Variants in PRDM6 observed in about 807,000 individuals in gnomAD.
PRDM6 encodes the protein putative histone-lysine N-methyltransferase PRDM6.
Under a neutral mutation model 60.8 loss-of-function variants are expected in PRDM6, and 25 were observed. The ratio of observed to expected loss-of-function variants is 0.41; its 90% CI spans 0.30 to 0.57. The LOEUF (loss-of-function observed/expected upper bound fraction) is 0.57. Ranked by LOEUF, PRDM6 falls within the 20% of genes least tolerant of loss-of-function variation. The pLI, the probability that PRDM6 is intolerant of heterozygous loss-of-function variation, is 0.27. For synonymous variants in PRDM6, 407 were observed against 357.4 expected (o/e 1.14, Z -1.57); for missense variants, 839 against 821.3 (o/e 1.02, Z -0.26).
intron 3 of PRDM6, among the ~76,000 whole-genome samples, chr5:123,133,302 C>A (rs1764876597): frequency 6.6e-6 from 1 of 152,054 alleles, no homozygotes; most frequent in South Asian, 2.1e-4. Flanking sequence ...CCTTCCTATG[C>A]AAACACGTAT....
chr5:123,181,506 T>C (rs183591419), intron 7 of PRDM6, among the ~76,000 whole-genome samples: 2 of 152,292 alleles, frequency 1.3e-5, no homozygotes, highest in Admixed American at 1.3e-4. Flanking sequence ...TTGATTGGTG[T>C]TCTCAGAGCA....
intron 3 of PRDM6, among the ~76,000 whole-genome samples, chr5:123,151,823 A>G (rs761105059): frequency 6.6e-6 from 1 of 152,118 alleles, no homozygotes; most frequent in Non-Finnish European, 1.5e-5. Context: ...TCAGAGAGTC[A>G]TAGTGGGGTT....
Position 123,090,294 on chromosome 5 carries a change from T to TCCTCCGCCG in PRDM6, c.285_286insGCCGCCTCC (p.Ser95_Cys96insAlaAlaSer). 2 of 1,489,764 alleles carry TCCTCCGCCG rather than the reference T, an allele frequency of 1.3e-6. No individual in the cohort carries two copies. The highest frequency in any genetic ancestry group is 1.5e-5 in the African/African-American group (1 of 68,296). The allele number at this position is 1,489,764 out of a possible 1,614,324, so 92.3% of individuals were successfully genotyped here. ...CTCTTCCACCTCCGCCTCCTCCGCC[T>TCCTCCGCCG]CCTCCTGCGCTGCTGCGGCCGCTGC... is the stretch of plus-strand genomic sequence containing the variant. On this transcript the variant is annotated inframe_insertion, in exon 2 of 8. Transcript: ENST00000407847.
chr5:123,108,954 A>G (rs190070784), intron 3 of PRDM6, among the ~76,000 whole-genome samples: 46 of 152,276 alleles, frequency 3.0e-4, no homozygotes, highest in African/African-American at 1.1e-3. Context: ...TCACCCATGA[A>G]TAGATTTTCA....
At position 123,090,310 on chromosome 5, in the gene PRDM6, C is replaced by A; in HGVS notation, c.296C>A (p.Ala99Glu). Residue 99 changes from alanine (A) to glutamate (E), a missense_variant, in exon 2 of 8, where the codon GCG becomes GAG. Physicochemically the swap from Ala to Glu is moderately radical, Grantham distance 107 (BLOSUM62 -1). Coordinates refer to ENST00000407847, the MANE Select transcript of PRDM6 (RefSeq NM_001136239.4). ...SASSASSCAA[A>E]AAAAALAGLS... ...TCCTCCGCCTCCTCCTGCGCTGCTG[C>A]GGCCGCTGCCGCCGCGCTGGCTGGT... The A allele has an allele frequency of 1.5e-6, 2 of 1,373,756 alleles. No individual in the cohort carries two copies. The highest frequency in any genetic ancestry group is 9.6e-7 in the Non-Finnish European group (1 of 1,042,588). 85.1% of individuals were successfully genotyped at this position (1,373,756 alleles called of 1,614,324 possible).
chr5:123,118,996 G>A (rs551153068), intron 3 of PRDM6, among the ~76,000 whole-genome samples: 1 of 152,184 alleles, frequency 6.6e-6, no homozygotes, highest in South Asian at 2.1e-4. Flanking sequence ...ACTGAGTTGT[G>A]TTCAAAAATG....
intron 3 of PRDM6, among the ~76,000 whole-genome samples, chr5:123,110,899 TACTC>T (rs1261687290): frequency 6.6e-6 from 1 of 152,028 alleles, no homozygotes; most frequent in Non-Finnish European, 1.5e-5. Flanking sequence ...GCAGGGGTGA[TACTC>T]AAACTATGTC....
At chr5:123,149,890 C>T (rs1374756816) in intron 3 of PRDM6, among the ~76,000 whole-genome samples, 1 of 152,120 alleles carries the variant, frequency 6.6e-6, no homozygotes, top group Non-Finnish European at 1.5e-5. Flanking sequence ...GTGTAAGGTA[C>T]CTATCAGTAA....
At chr5:123,178,495 G>T (rs1020721194) in intron 6 of PRDM6, among the ~76,000 whole-genome samples, 3 of 152,124 alleles carry the variant, frequency 2.0e-5, no homozygotes, top group African/African-American at 7.2e-5. Flanking sequence ...AATTTTAATG[G>T]TTTTCAAAGG....
Position 123,170,851 on chromosome 5 carries a change from C to A in PRDM6, c.1239C>A (p.Thr413=), listed in dbSNP as rs1441182819. The change falls in exon 6 of 8, where the codon ACC becomes ACA. Residue 413 remains threonine (T), a synonymous_variant. Transcript: ENST00000407847. ...PFNKSSKLAP[T]TQQRSVVFPQ... ...ACAAAAGCAGCAAACTCGCCCCTAC[C>A]ACCCAGCAGCGCTCCGTTGTTTTCC... is the stretch of plus-strand genomic sequence containing the variant. The A allele has an allele frequency of 4.5e-6, 7 of 1,552,118 alleles. No individual in the cohort carries two copies. The highest frequency in any genetic ancestry group is 6.1e-6 in the Non-Finnish European group (7 of 1,147,120).
At chr5:123,157,426 G>A (rs780571724) in intron 4 of PRDM6, among the ~76,000 whole-genome samples, 6 of 152,128 alleles carry the variant, frequency 3.9e-5, no homozygotes, top group African/African-American at 7.2e-5. Context: ...GGGAGCTATA[G>A]AGGCAAATTC....
At chr5:123,139,230 AG>A (rs1479411751) in intron 3 of PRDM6, among the ~76,000 whole-genome samples, 1 of 152,224 alleles carries the variant, frequency 6.6e-6, no homozygotes, top group African/African-American at 2.4e-5. Flanking sequence ...AGACTAATAT[AG>A]TACACTAGTT....
intron 3 of PRDM6, among the ~76,000 whole-genome samples, chr5:123,150,136 C>T (rs1457555664): frequency 6.6e-6 from 1 of 152,096 alleles, no homozygotes; most frequent in East Asian, 1.9e-4. Flanking sequence ...TTTACATATA[C>T]TCACTTATTT....
chr5:123,168,288 A>G (rs1765805080), intron 5 of PRDM6, among the ~76,000 whole-genome samples: 1 of 152,226 alleles, frequency 6.6e-6, no homozygotes, highest in South Asian at 2.1e-4. Context: ...TATAACATGT[A>G]TATTTATGTA....
chr5:123,153,736 A>G (rs748304843), intron 3 of PRDM6, among the ~76,000 whole-genome samples: 2 of 152,070 alleles, frequency 1.3e-5, no homozygotes, highest in Non-Finnish European at 2.9e-5. Context: ...AGGGGGAAAC[A>G]CTTTTCATAC....
intron 3 of PRDM6, among the ~76,000 whole-genome samples, chr5:123,126,809 T>G (rs1764703722): frequency 6.6e-6 from 1 of 152,222 alleles, no homozygotes; most frequent in Admixed American, 6.5e-5. Flanking sequence ...GCCTTCTAGC[T>G]ATTCACCTAA....
At chr5:123,178,111 C>T (rs1357962430) in intron 6 of PRDM6, among the ~76,000 whole-genome samples, 3 of 151,948 alleles carry the variant, frequency 2.0e-5, no homozygotes, top group South Asian at 2.1e-4. Flanking sequence ...GTGTGTAAAC[C>T]TTTACCACCG....
intron 6 of PRDM6, among the ~76,000 whole-genome samples, chr5:123,179,944 G>T (rs917794795): frequency 1.3e-5 from 2 of 152,138 alleles, no homozygotes; most frequent in Non-Finnish European, 2.9e-5. Context: ...ATTCATTCGG[G>T]AATTGATGTG....
At chr5:123,105,074 A>T (rs1271280195) in intron 3 of PRDM6, among the ~76,000 whole-genome samples, 4 of 152,240 alleles carry the variant, frequency 2.6e-5, no homozygotes, top group African/African-American at 9.6e-5. Flanking sequence ...TTAGCTGCAA[A>T]CACTTTATAA....
Sources: allele counts gnomAD v4.1 joint callset (sites outside exome capture counted in the v4.1 genomes callset), GRCh38; gene constraint gnomAD v4.1.1; transcripts MANE v1.5; gene names NCBI Gene and HGNC (gene_info 2026-07-23, HGNC 2026-07-21).